The following BLOC1S5 variants were observed in gnomAD, a reference collection of about 807,000 sequenced individuals.
The protein encoded by BLOC1S5 is biogenesis of lysosome-related organelles complex 1 subunit 5.
In BLOC1S5, 27 loss-of-function variants were observed where a neutral mutation model predicts 24.3. That is an observed-to-expected ratio of 1.11 (90% CI 0.82 to 1.53). The LOEUF (loss-of-function observed/expected upper bound fraction) is 1.53, where lower values mean the gene tolerates loss of function less well. Among genes scored for constraint, BLOC1S5 ranks in the 40% most tolerant of loss-of-function variants. The pLI is 0.00. For synonymous variants in BLOC1S5, 84 were observed against 74.5 expected (o/e 1.13, Z -0.66); for missense variants, 239 against 229.4 (o/e 1.04, Z -0.27).
intron 2 of BLOC1S5, among the ~76,000 whole-genome samples, chr6:8,047,160 TCACACA>T (rs57923927): frequency 0.039 from 4,967 of 126,814 alleles, 121 homozygotes; most frequent in South Asian, 0.059. Flanking sequence ...TCTCTCTCTC[TCACACA>T]CACACACACA....
chr6:8,034,197 C>T (rs878974002), intron 3 of BLOC1S5, among the ~76,000 whole-genome samples: 1 of 152,176 alleles, frequency 6.6e-6, no homozygotes, highest in Non-Finnish European at 1.5e-5. Context: ...TATTGCAGCA[C>T]TATTCACAAT....
intron 3 of BLOC1S5, chr6:8,027,211 T>C: frequency 3.0e-6 from 1 of 331,280 alleles, no homozygotes; most frequent in Non-Finnish European, 6.1e-6. Flanking sequence ...ACTTACTTTA[T>C]CCAAATAAAG....
At chr6:8,043,486 T>C (rs922288829) in intron 2 of BLOC1S5, among the ~76,000 whole-genome samples, 13 of 151,906 alleles carry the variant, frequency 8.6e-5, no homozygotes, top group African/African-American at 2.4e-4. Context: ...CAAACCCAGA[T>C]TGGATACCTA....
chr6:8,051,300 C>T (rs886753653), intron 2 of BLOC1S5, among the ~76,000 whole-genome samples: 6 of 152,096 alleles, frequency 3.9e-5, no homozygotes, highest in African/African-American at 7.2e-5. Flanking sequence ...CCAGCCACAA[C>T]ATTTTCTTAA....
At chr6:8,064,203 G>A (rs904787323) in intron 1 of BLOC1S5, 62 bp downstream of exon 1, 4 of 1,417,988 alleles carry the variant, frequency 2.8e-6, no homozygotes, top group Middle Eastern at 3.6e-4. Context: ...GTCAGAGGGC[G>A]CCGCCTGGGA....
chr6:8,063,826 T>C lies in BLOC1S5; in HGVS notation c.112+439A>G, dbSNP rs147484874. On this transcript the variant is annotated intron_variant, in intron 1 of 4. Transcript: ENST00000397457. ...CAGTGCTATAGAGCGCCTTCGTAAG[T>C]GTATCTCACTTACTCCTCGCACGAC... 4.4e-3 allele frequency among the ~76,000 whole-genome samples: 675 copies of C among 152,290 alleles called. 5 individuals are homozygous for C. Among genetic ancestry groups the C allele is most frequent in the African/African-American group, 0.015 (634 of 41,572 alleles).
rs183365790 is a variant in BLOC1S5, at chr6:8,023,674, A to G, written c.384+2693T>C. On this transcript the variant is annotated intron_variant, in intron 4 of 4. Coordinates refer to ENST00000397457, the MANE Select transcript of BLOC1S5 (RefSeq NM_201280.3). ...CATCTTTGTTCTGAGAACCTTTCAA[A>G]TATACAAAATGTATGCAATAGTATA... is the stretch of plus-strand genomic sequence containing the variant. Among the ~76,000 whole-genome samples, 298 of 152,362 alleles carry G rather than the reference A, an allele frequency of 2.0e-3. 3 individuals are homozygous for G. The highest frequency in any genetic ancestry group is 8.8e-4 in the Non-Finnish European group (60 of 68,036).
chr6:8,047,757 A>C (rs1273964136), intron 2 of BLOC1S5, among the ~76,000 whole-genome samples: 1 of 152,192 alleles, frequency 6.6e-6, no homozygotes, highest in Non-Finnish European at 1.5e-5. Context: ...GTTAGAACTA[A>C]AGCCCTGATC....
intron 2 of BLOC1S5, among the ~76,000 whole-genome samples, chr6:8,056,227 C>T (rs923263661): frequency 5.3e-5 from 8 of 152,180 alleles, no homozygotes; most frequent in African/African-American, 1.4e-4. Flanking sequence ...ACGCAACAGA[C>T]TAAAACACCC....
At chr6:8,023,843 T>C (rs1763012598) in intron 4 of BLOC1S5, among the ~76,000 whole-genome samples, 1 of 152,122 alleles carries the variant, frequency 6.6e-6, no homozygotes, top group Admixed American at 6.5e-5. Flanking sequence ...TGTGCACATG[T>C]GTATATGTGC....
chr6:8,028,018 TC>T (rs1561857749), intron 3 of BLOC1S5, among the ~76,000 whole-genome samples: 1 of 152,206 alleles, frequency 6.6e-6, no homozygotes, highest in African/African-American at 2.4e-5. Flanking sequence ...CTGAGGATTT[TC>T]CCTATTTGAA....
At chr6:8,018,912 C>T (rs962385373) in intron 4 of BLOC1S5, among the ~76,000 whole-genome samples, 86 of 152,336 alleles carry the variant, frequency 5.6e-4, no homozygotes, top group African/African-American at 2.0e-3. Context: ...AAGAGACTTT[C>T]CCCTCCATTC....
chr6:8,058,345 C>G (rs1764387268), intron 2 of BLOC1S5, among the ~76,000 whole-genome samples: 1 of 123,172 alleles, frequency 8.1e-6, no homozygotes, highest in Non-Finnish European at 1.6e-5. Flanking sequence ...CACAGTGAGA[C>G]CCTGTCTCTA....
intron 2 of BLOC1S5, chr6:8,054,232 C>T (rs1764235104): frequency 2.2e-6 from 1 of 444,994 alleles, no homozygotes; most frequent in Admixed American, 2.5e-5. Flanking sequence ...ATTTACAAGG[C>T]AATCAATAAG....
chr6:8,049,531 C>A (rs1452945471), intron 2 of BLOC1S5, among the ~76,000 whole-genome samples: 1 of 151,968 alleles, frequency 6.6e-6, no homozygotes, highest in South Asian at 2.1e-4. Context: ...TTATATGGCT[C>A]CAAAACTATA....
intron 3 of BLOC1S5, among the ~76,000 whole-genome samples, chr6:8,034,778 T>A (rs1763429308): frequency 6.6e-6 from 1 of 152,108 alleles, no homozygotes; most frequent in Non-Finnish European, 1.5e-5. Flanking sequence ...GATCCAGCAA[T>A]CCCACTACTG....
intron 2 of BLOC1S5, among the ~76,000 whole-genome samples, chr6:8,052,463 G>A (rs988504889): frequency 4.6e-5 from 7 of 152,148 alleles, no homozygotes; most frequent in African/African-American, 1.7e-4. Flanking sequence ...CATGGGAAGA[G>A]GTCAAAGTAT....
intron 3 of BLOC1S5, among the ~76,000 whole-genome samples, chr6:8,034,126 T>C (rs1358914960): frequency 6.6e-6 from 1 of 152,258 alleles, no homozygotes; most frequent in Non-Finnish European, 1.5e-5. Flanking sequence ...ATCCCATTAC[T>C]GGGTATGTAC....
chr6:8,028,211 G>C (rs574221871), intron 3 of BLOC1S5, among the ~76,000 whole-genome samples: 1 of 152,066 alleles, frequency 6.6e-6, no homozygotes, highest in Admixed American at 6.5e-5. Flanking sequence ...GAAATGTTAG[G>C]CCTCTCCCTC....
Sources: gnomAD v4.1 joint callset for allele counts (sites outside exome capture counted in the v4.1 genomes callset) on GRCh38, gnomAD v4.1.1 for gene constraint, MANE v1.5 for transcripts, NCBI Gene and HGNC (gene_info 2026-07-23, HGNC 2026-07-21) for gene names.